ARPP21: variants seen among roughly 807,000 people sequenced by gnomAD.
The protein encoded by ARPP21 is cAMP regulated phosphoprotein 21.
Under a neutral mutation model 113.2 loss-of-function variants are expected in ARPP21, and 69 were observed. The observed-to-expected ratio is 0.61, with a 90% CI of 0.50 to 0.74. The LOEUF is 0.74. ARPP21 is among the 30% of genes least tolerant of loss of function. ARPP21 has a pLI of 0.00. For synonymous variants in ARPP21, 368 were observed against 375.5 expected (o/e 0.98, Z 0.23); for missense variants, 1,070 against 1,037.4 (o/e 1.03, Z -0.43).
At position 35,729,302 on chromosome 3, in the gene ARPP21, G is replaced by C; in HGVS notation, c.1226-1G>C. On this transcript the variant is annotated splice_acceptor_variant, in intron 14 of 20. Transcript: ENST00000684406. LOFTEE classifies it high-confidence loss of function. ...ATTTGTTGATTGTATCCCTATGCCA[G>C]GTTCCGAGTCTTCCAGCAGTGCAGG... 6.2e-7 allele frequency: 1 copy of C among 1,611,124 alleles called. No homozygotes were observed.
intron 1 of ARPP21, among the ~76,000 whole-genome samples, chr3:35,667,064 G>C (rs2074560042): frequency 6.6e-6 from 1 of 152,098 alleles, no homozygotes; most frequent in African/African-American, 2.4e-5. Flanking sequence ...CTCACCCCTA[G>C]AGTGAAATAT....
intron 15 of ARPP21, among the ~76,000 whole-genome samples, chr3:35,736,050 T>C (rs1233031707): frequency 6.6e-6 from 1 of 152,218 alleles, no homozygotes; most frequent in Non-Finnish European, 1.5e-5. Context: ...CTTCAGTTAT[T>C]TGGCATAATG....
At chr3:35,783,057 T>C (rs866163986) in intron 19 of ARPP21, among the ~76,000 whole-genome samples, 49 of 152,134 alleles carry the variant, frequency 3.2e-4, no homozygotes, top group African/African-American at 1.0e-3. Flanking sequence ...CTTGAAACAC[T>C]CCCCTACTTC....
intron 19 of ARPP21, among the ~76,000 whole-genome samples, chr3:35,753,529 C>T (rs190054705): frequency 7.2e-5 from 11 of 152,050 alleles, no homozygotes; most frequent in Admixed American, 5.2e-4. Flanking sequence ...TCACCCTTTG[C>T]TCCTGGCAGC....
intron 18 of ARPP21, among the ~76,000 whole-genome samples, chr3:35,743,616 G>C (rs1427451712): frequency 6.6e-6 from 1 of 152,156 alleles, no homozygotes; most frequent in African/African-American, 2.4e-5. Context: ...GCCTCATGGC[G>C]TTGGTAAAAG....
Position 35,640,099 on chromosome 3 carries a change from G to A in ARPP21, c.-512G>A, listed in dbSNP as rs953565094. The stretch of plus-strand genomic sequence containing the variant: ...CCGGAGCAGAGACCAGCAGCAGCAG[G>A]GGCAGCGGGGACACAAGCCGCGACC... On this transcript the variant is annotated 5_prime_UTR_variant, in exon 1 of 21. Transcript: ENST00000684406. 4.6e-5 allele frequency: 7 copies of A among 152,196 alleles called. No individual in the cohort carries two copies. Among genetic ancestry groups the A allele is most frequent in the African/African-American group, 1.7e-4 (7 of 41,354 alleles). 9.4% of individuals were successfully genotyped at this position (152,196 alleles called of 1,614,324 possible). A position where few individuals can be genotyped will look rare whatever the true frequency, so the allele number is the denominator to read the frequency against.
chr3:35,719,134 C>T (rs566073000), intron 13 of ARPP21, among the ~76,000 whole-genome samples: 1 of 151,794 alleles, frequency 6.6e-6, no homozygotes, highest in Non-Finnish European at 1.5e-5. Context: ...GAAGGGAAGA[C>T]ACCTGTGCAT....
Position 35,639,554 on chromosome 3 carries a change from C to G in ARPP21, c.-1057C>G, listed in dbSNP as rs1477741983. 4 of 152,566 alleles carry G rather than the reference C, an allele frequency of 2.6e-5. No individual in the cohort carries two copies. Among genetic ancestry groups the G allele is most frequent in the Non-Finnish European group, 4.4e-5 (3 of 68,446 alleles). 9.5% of individuals were successfully genotyped at this position (152,566 alleles called of 1,614,324 possible). ...GACGGAGGCGGCCAAGCTGGAGGAA[C>G]GGGACCGAGGGATCGACCGAGGCTG... On this transcript the variant is annotated 5_prime_UTR_variant, in exon 1 of 21. Transcript: ENST00000684406. This position sits in a 1 kb window ranked among gnomAD's most constrained non-coding sequence, Gnocchi z 5.0.
chr3:35,707,356 T>C, intron 10 of ARPP21: 1 of 605,570 alleles, frequency 1.7e-6, no homozygotes, highest in South Asian at 1.5e-5. Flanking sequence ...TCTGGGAGGG[T>C]CGGGATGCCA....
intron 1 of ARPP21, among the ~76,000 whole-genome samples, chr3:35,674,590 A>G (rs1015873914): frequency 1.3e-5 from 2 of 151,860 alleles, no homozygotes; most frequent in African/African-American, 4.8e-5. Context: ...GTGATTTTCT[A>G]TGTGGCTTTT....
intron 14 of ARPP21, among the ~76,000 whole-genome samples, chr3:35,724,583 T>G (rs2093384547): frequency 6.6e-6 from 1 of 152,210 alleles, no homozygotes; most frequent in Non-Finnish European, 1.5e-5. Flanking sequence ...ATGCCAATGC[T>G]CCTTGCCTGG....
chr3:35,691,321 A>G (rs2082169916), intron 9 of ARPP21, among the ~76,000 whole-genome samples: 1 of 151,742 alleles, frequency 6.6e-6, no homozygotes, highest in Admixed American at 6.6e-5. Context: ...AATATAACTT[A>G]AATTAAAAAC....
At chr3:35,749,596 T>C (rs899193498) in intron 19 of ARPP21, among the ~76,000 whole-genome samples, 1 of 152,098 alleles carries the variant, frequency 6.6e-6, no homozygotes, top group African/African-American at 2.4e-5. Flanking sequence ...AAAGAGATTG[T>C]ATAAAATTGG....
Position 35,794,008 on chromosome 3 carries a change from G to C in ARPP21, c.*50G>C, listed in dbSNP as rs780985770. On this transcript the variant is annotated 3_prime_UTR_variant, in exon 21 of 21. Coordinates refer to ENST00000684406, the MANE Select transcript of ARPP21 (RefSeq NM_001385562.1). Reference sequence around the variant, plus strand: ...TCAGATATTTCTCATGGCCTTTGATGGAAGAGGAACAAGGTGGGAAAACTG... The same window carrying C: ...TCAGATATTTCTCATGGCCTTTGATCGAAGAGGAACAAGGTGGGAAAACTG... 1.1e-5 allele frequency: 17 copies of C among 1,545,054 alleles called. No individual in the cohort carries two copies. The Admixed American group carries it at 2.7e-4, about 24-fold the overall frequency.
intron 18 of ARPP21, among the ~76,000 whole-genome samples, chr3:35,740,857 G>T (rs536713547): frequency 1.3e-5 from 2 of 152,014 alleles, no homozygotes; most frequent in African/African-American, 2.4e-5. Context: ...CTGCACTTTG[G>T]GGGGCTGAGG....
intron 1 of ARPP21, among the ~76,000 whole-genome samples, chr3:35,665,865 T>A (rs910466538): frequency 6.6e-6 from 1 of 152,126 alleles, no homozygotes; most frequent in African/African-American, 2.4e-5. Context: ...ATGCACAATA[T>A]GTGGAAGGCA....
chr3:35,704,019 T>C (rs1036013274), intron 9 of ARPP21, among the ~76,000 whole-genome samples: 1 of 151,842 alleles, frequency 6.6e-6, no homozygotes, highest in Non-Finnish European at 1.5e-5. Flanking sequence ...GCAAAATTGC[T>C]CTTTAGCACT....
intron 14 of ARPP21, among the ~76,000 whole-genome samples, chr3:35,724,744 G>T (rs575243103): frequency 2.7e-4 from 41 of 152,118 alleles, no homozygotes; most frequent in South Asian, 1.7e-3. Context: ...AGTGTTTTTT[G>T]ATCCAATGCA....
intron 1 of ARPP21, among the ~76,000 whole-genome samples, chr3:35,675,082 G>C (rs894610195): frequency 1.3e-5 from 2 of 151,544 alleles, no homozygotes; most frequent in East Asian, 3.9e-4. Flanking sequence ...CCAAATCATT[G>C]AATTTAATGT....
Sources: gnomAD v4.1 joint callset for allele counts (sites outside exome capture counted in the v4.1 genomes callset) on GRCh38, gnomAD v4.1.1 for gene constraint, Gnocchi (gnomAD v3.1) non-coding constraint, MANE v1.5 for transcripts, NCBI Gene and HGNC (gene_info 2026-07-23, HGNC 2026-07-21) for gene names.